TGFBRAP1: variants seen among roughly 807,000 people sequenced by gnomAD.
TGFBRAP1 encodes the protein transforming growth factor beta receptor associated protein 1, also known as transforming growth factor-beta receptor-associated protein 1.
In TGFBRAP1, 20 loss-of-function variants were observed where a neutral mutation model predicts 83.2. The observed-to-expected ratio is 0.24, with a 90% CI of 0.17 to 0.35. TGFBRAP1 has a LOEUF of 0.35. Ranked by LOEUF, TGFBRAP1 falls within the 10% of genes least tolerant of loss-of-function variation. The probability of loss-of-function intolerance (pLI) is 1.00; values close to 1 mark genes in which losing one functional copy is unlikely to be tolerated. For missense variants in TGFBRAP1, 950 were observed against 1,099.4 expected (o/e 0.86, Z 1.92); for synonymous variants, 415 against 459.8 (o/e 0.90, Z 1.25).
In TGFBRAP1 at chr2:105,308,434, A is replaced by G. The variant is rs1307107794; in HGVS notation, c.-17-116T>C. 2.8e-6 allele frequency: 3 copies of G among 1,088,274 alleles called. No homozygotes were observed. In the African/African-American group the frequency reaches 4.8e-5, roughly 17 times the overall value. 67.4% of individuals were successfully genotyped at this position (1,088,274 alleles called of 1,614,324 possible). A position where few individuals can be genotyped will look rare whatever the true frequency, so the allele number is the denominator to read the frequency against. ...CATTTTCATTAAAGAAAGTCATTCC[A>G]CGCTATCAAAAAATGGAAAGAAACC... is the stretch of plus-strand genomic sequence containing the variant. On this transcript the variant is annotated intron_variant, in intron 1 of 11. Coordinates refer to ENST00000393359, the MANE Select transcript of TGFBRAP1 (RefSeq NM_004257.6).
chr2:105,289,064 T>G (rs1347292064), intron 4 of TGFBRAP1, among the ~76,000 whole-genome samples: 2 of 152,232 alleles, frequency 1.3e-5, no homozygotes, highest in Admixed American at 6.5e-5. Context: ...CTGGAAAGCC[T>G]TGATTCAGAA....
At chr2:105,250,944 G>T in the TGFBRAP1 span, among the ~76,000 whole-genome samples, 1 of 152,348 alleles carries the variant, frequency 6.6e-6, no homozygotes, top group African/African-American at 2.4e-5. Flanking sequence ...ACGGAGTCGC[G>T]TTCACTCAGT....
chr2:105,256,420 A>G, the TGFBRAP1 span, among the ~76,000 whole-genome samples: 1 of 151,944 alleles, frequency 6.6e-6, no homozygotes, highest in African/African-American at 2.4e-5. Flanking sequence ...TCCCCGACTT[A>G]AGGCTCCCCT....
chr2:105,319,574 C>A (rs1283936410), intron 1 of TGFBRAP1, among the ~76,000 whole-genome samples: 13 of 149,164 alleles, frequency 8.7e-5, no homozygotes, highest in African/African-American at 2.9e-4. Flanking sequence ...TGCCTGTAAT[C>A]CCAGCTACTT....
chr2:105,256,449 C>G, the TGFBRAP1 span, among the ~76,000 whole-genome samples: 1 of 152,162 alleles, frequency 6.6e-6, no homozygotes, highest in Admixed American at 6.5e-5. Flanking sequence ...TCTGGCTTAC[C>G]CGCACTGCCC....
chr2:105,282,164 C>A (rs952057408), intron 5 of TGFBRAP1, among the ~76,000 whole-genome samples: 1 of 152,220 alleles, frequency 6.6e-6, no homozygotes, highest in Non-Finnish European at 1.5e-5. Context: ...AGGCACACAT[C>A]CAGTTTCCAA....
intron 10 of TGFBRAP1, among the ~76,000 whole-genome samples, chr2:105,270,957 TCTAA>T (rs1385493714): frequency 6.6e-6 from 1 of 152,218 alleles, no homozygotes; most frequent in African/African-American, 2.4e-5. Context: ...CCCCAAGTCA[TCTAA>T]CTAAGAAGGG....
chr2:105,276,132 C>G (rs1444119303), intron 7 of TGFBRAP1, among the ~76,000 whole-genome samples: 1 of 152,108 alleles, frequency 6.6e-6, no homozygotes, highest in African/African-American at 2.4e-5. Flanking sequence ...TTTTGAAGTC[C>G]CCTTTGGACT....
At chr2:105,301,091 G>C (rs1029844388) in intron 2 of TGFBRAP1, among the ~76,000 whole-genome samples, 8 of 152,008 alleles carry the variant, frequency 5.3e-5, no homozygotes, top group African/African-American at 1.9e-4. Flanking sequence ...AGCCTTGGTG[G>C]CGGGTACTAT....
intron 4 of TGFBRAP1, among the ~76,000 whole-genome samples, chr2:105,289,507 ATATGT>A (rs148560483): frequency 0.15 from 23,542 of 152,134 alleles, 2,262 homozygotes; most frequent in South Asian, 0.24. Context: ...CCTTCCAGAG[ATATGT>A]TATGTATTGA....
chr2:105,280,702 C>T lies in TGFBRAP1; in HGVS notation c.1143G>A (p.Arg381=), dbSNP rs1186035632. 6.2e-7 allele frequency: 1 copy of T among 1,613,246 alleles called. No individual in the cohort carries two copies. Among genetic ancestry groups the T allele is most frequent in the Admixed American group, 1.7e-5 (1 of 59,976 alleles). The change falls in exon 6 of 12, where the codon CGG becomes CGA. Residue 381 remains arginine, a synonymous_variant. Transcript: ENST00000393359. ...ELFRSGQLDV[R]ELISLYPFLL... ...GGAAGGGGTAGAGAGAGATCAGCTC[C>T]CGGACATCAAGCTGGCCGCTTCTGC...
chr2:105,257,835 G>GAGAC, the TGFBRAP1 span, among the ~76,000 whole-genome samples: 1 of 152,138 alleles, frequency 6.6e-6, no homozygotes, highest in African/African-American at 2.4e-5. Context: ...GCTCCTGAAT[G>GAGAC]GTCTAAGGTG....
the TGFBRAP1 span, among the ~76,000 whole-genome samples, chr2:105,258,786 C>T: frequency 2.6e-5 from 4 of 151,766 alleles, no homozygotes; most frequent in Non-Finnish European, 5.9e-5. Context: ...GTCTCTCTCT[C>T]TCTCCTATTG....
At chr2:105,268,975 C>T (rs67307760) in intron 11 of TGFBRAP1, among the ~76,000 whole-genome samples, 25,981 of 152,208 alleles carry the variant, frequency 0.17, 2,558 homozygotes, top group Middle Eastern at 0.27. Context: ...GTGCCTGGCA[C>T]ACAGCACATG....
chr2:105,326,360 A>G (rs1019024069), intron 1 of TGFBRAP1, among the ~76,000 whole-genome samples: 2 of 152,238 alleles, frequency 1.3e-5, no homozygotes, highest in African/African-American at 4.8e-5. Flanking sequence ...AGAGCAGAAT[A>G]GAAATATGGC....
downstream of TGFBRAP1, among the ~76,000 whole-genome samples, chr2:105,263,608 T>C (rs535912994): frequency 6.6e-6 from 1 of 152,324 alleles, no homozygotes; most frequent in Admixed American, 6.5e-5. Flanking sequence ...CCAAGCATGG[T>C]GACTCACGCC....
chr2:105,280,796 G>A, intron 5 of TGFBRAP1, 73 bp from the exon 6 acceptor site: 3 of 1,483,244 alleles, frequency 2.0e-6, no homozygotes, highest in Non-Finnish European at 2.7e-6. Flanking sequence ...AACAGCACTG[G>A]AGGGGAGCGC....
At chr2:105,300,455 C>T (rs2679890) in intron 2 of TGFBRAP1, among the ~76,000 whole-genome samples, 36,682 of 83,654 alleles carry the variant, frequency 0.44, 5,942 homozygotes, top group South Asian at 0.5. Context: ...TTTTTTTTTT[C>T]CGAGACAGTC....
At chr2:105,273,114 T>A (rs1677218212) in intron 9 of TGFBRAP1, 100 bp from the exon 10 acceptor site, 1 of 1,434,482 alleles carries the variant, frequency 7.0e-7, no homozygotes, top group Non-Finnish European at 9.4e-7. Context: ...GCGGCTGCAC[T>A]GACATGAGCT....
Sources: allele counts gnomAD v4.1 joint callset (sites outside exome capture counted in the v4.1 genomes callset), GRCh38; gene constraint gnomAD v4.1.1; transcripts MANE v1.5; gene names NCBI Gene and HGNC (gene_info 2026-07-23, HGNC 2026-07-21).